Variants in SLC8A1 observed in about 807,000 individuals in gnomAD.
SLC8A1 encodes sodium/calcium exchanger 1.
Under a neutral mutation model 68.3 loss-of-function variants are expected in SLC8A1, and 18 were observed. The ratio of observed to expected loss-of-function variants is 0.26; its 90% CI spans 0.18 to 0.39. SLC8A1 has a LOEUF of 0.39. Ranked by LOEUF, SLC8A1 falls within the 10% of genes least tolerant of loss-of-function variation. The pLI is 1.00. For missense variants in SLC8A1, 985 were observed against 1,156.7 expected, an observed-to-expected ratio of 0.85 and a Z score of 2.15; for synonymous variants, 475 against 415.5, an observed-to-expected ratio of 1.14 and a Z score of -1.74.
intron 4 of SLC8A1, among the ~76,000 whole-genome samples, chr2:40,165,454 C>T (rs1372737996): frequency 6.6e-6 from 1 of 152,132 alleles, no homozygotes; most frequent in Non-Finnish European, 1.5e-5. Flanking sequence ...CAGAAAATGC[C>T]TGAGGCCCAA....
rs191275919 is a variant in SLC8A1, at chr2:40,376,464, A to G, written c.1808+52009T>C. On this transcript the variant is annotated intron_variant, in intron 2 of 7. Coordinates refer to ENST00000406785, the Ensembl canonical transcript of SLC8A1. The stretch of plus-strand genomic sequence containing the variant: ...ACATTTGTTTACAAACAGGCACAAA[A>G]TAGACATTGTAAATCTGAGGAGGTC... 4.6e-5 allele frequency among the ~76,000 whole-genome samples: 7 copies of G among 152,246 alleles called. No homozygotes were observed. In the East Asian group the frequency reaches 1.4e-3, roughly 30 times the overall value.
chr2:40,230,551 T>C (rs1476410912), intron 2 of SLC8A1, among the ~76,000 whole-genome samples: 1 of 152,118 alleles, frequency 6.6e-6, no homozygotes, highest in African/African-American at 2.4e-5. Flanking sequence ...TTAATCACTA[T>C]AAAGGATACA....
At chr2:40,256,713 G>A (rs144508358) in intron 2 of SLC8A1, among the ~76,000 whole-genome samples, 82 of 152,254 alleles carry the variant, frequency 5.4e-4, no homozygotes, top group African/African-American at 1.9e-3. Context: ...CTTTAGAGAA[G>A]GCTGTAGGCC....
intron 1 of SLC8A1, among the ~76,000 whole-genome samples, chr2:40,442,283 AAAAG>A (rs1360592633): frequency 6.6e-6 from 1 of 151,256 alleles, no homozygotes; most frequent in Non-Finnish European, 1.5e-5. Context: ...AGAAAAAAGA[AAAAG>A]AAACTAGCAT....
chr2:40,137,837 T>C (rs1432989268), intron 7 of SLC8A1, among the ~76,000 whole-genome samples: 3 of 152,044 alleles, frequency 2.0e-5, no homozygotes, highest in African/African-American at 7.2e-5. Flanking sequence ...AGCTCCTCCA[T>C]TCCCTTAATT....
chr2:40,346,182 G>A (rs1464812106), intron 2 of SLC8A1, among the ~76,000 whole-genome samples: 7 of 151,920 alleles, frequency 4.6e-5, no homozygotes, highest in Non-Finnish European at 1.0e-4. Context: ...AGAAAGCCTG[G>A]CTGTACATCT....
chr2:40,276,147 C>G (rs1424833991), intron 2 of SLC8A1, among the ~76,000 whole-genome samples: 1 of 152,202 alleles, frequency 6.6e-6, no homozygotes, highest in Non-Finnish European at 1.5e-5. Flanking sequence ...ATTGGGCAAT[C>G]ATTTGGGAAA....
At chr2:40,393,884 T>A (rs913594722) in intron 2 of SLC8A1, among the ~76,000 whole-genome samples, 3 of 152,126 alleles carry the variant, frequency 2.0e-5, no homozygotes, top group East Asian at 1.9e-4. Context: ...TTATGCCTAT[T>A]ACCCTTTTCA....
intron 2 of SLC8A1, among the ~76,000 whole-genome samples, chr2:40,302,385 G>A (rs894789718): frequency 6.7e-6 from 1 of 149,792 alleles, no homozygotes; most frequent in African/African-American, 2.5e-5. Flanking sequence ...TTCCCTCCAG[G>A]TTGCTGCAAA....
At chr2:40,422,977 C>G (rs979886324) in intron 2 of SLC8A1, among the ~76,000 whole-genome samples, 2 of 152,092 alleles carry the variant, frequency 1.3e-5, no homozygotes, top group Non-Finnish European at 2.9e-5. Context: ...GTATGAAAAG[C>G]ATTTGAGAAC....
At chr2:40,121,942 T>G (rs1178611086) in intron 7 of SLC8A1, among the ~76,000 whole-genome samples, 2 of 152,140 alleles carry the variant, frequency 1.3e-5, no homozygotes, top group Non-Finnish European at 2.9e-5. Flanking sequence ...GCTCTTTTGG[T>G]TTAGAGCCCA....
At chr2:40,427,716 T>C (rs1697251732) in intron 2 of SLC8A1, among the ~76,000 whole-genome samples, 1 of 152,186 alleles carries the variant, frequency 6.6e-6, no homozygotes. Flanking sequence ...AATAAATTTT[T>C]CCTTCTTTTC....
At chr2:40,419,650 T>C (rs1228584323) in intron 2 of SLC8A1, among the ~76,000 whole-genome samples, 1 of 152,130 alleles carries the variant, frequency 6.6e-6, no homozygotes, top group Non-Finnish European at 1.5e-5. Context: ...TTCAAAACTG[T>C]GTCAAGATTG....
intron 2 of SLC8A1, among the ~76,000 whole-genome samples, chr2:40,418,865 T>C (rs915805778): frequency 6.6e-6 from 1 of 152,082 alleles, no homozygotes; most frequent in African/African-American, 2.4e-5. Flanking sequence ...AGTTTTCTTC[T>C]GGGGAAAAGC....
chr2:40,463,067 T>C (rs891679570), intron 1 of SLC8A1, among the ~76,000 whole-genome samples: 43 of 152,302 alleles, frequency 2.8e-4, no homozygotes, highest in African/African-American at 1.0e-3. Context: ...ATTACACAAT[T>C]TAGTTTTTAA....
chr2:40,155,814 CTTAT>C (rs890623490), intron 6 of SLC8A1, among the ~76,000 whole-genome samples: 1 of 152,154 alleles, frequency 6.6e-6, no homozygotes, highest in Non-Finnish European at 1.5e-5. Flanking sequence ...ATGCCCTCTA[CTTAT>C]TTATTTAGCT....
At chr2:40,296,551 T>G (rs1214835760) in intron 2 of SLC8A1, among the ~76,000 whole-genome samples, 1 of 152,164 alleles carries the variant, frequency 6.6e-6, no homozygotes, top group African/African-American at 2.4e-5. Flanking sequence ...TGTGGTACAA[T>G]TTTCCTAAAT....
chr2:40,203,305 CAAATT>C (rs888320442), intron 2 of SLC8A1, among the ~76,000 whole-genome samples: 1 of 151,888 alleles, frequency 6.6e-6, no homozygotes, highest in African/African-American at 2.4e-5. Context: ...CAGAGACAAA[CAAATT>C]AAAGAGCATG....
chr2:40,317,897 G>C (rs2074682004), intron 2 of SLC8A1, among the ~76,000 whole-genome samples: 1 of 152,108 alleles, frequency 6.6e-6, no homozygotes, highest in South Asian at 2.1e-4. Context: ...ACTCCTCGAG[G>C]TGGTATGTAG....
Sources: gnomAD v4.1 joint callset for allele counts (sites outside exome capture counted in the v4.1 genomes callset) on GRCh38, gnomAD v4.1.1 for gene constraint, MANE v1.5 for transcripts, NCBI Gene and HGNC (gene_info 2026-07-23, HGNC 2026-07-21) for gene names.